Variants in SMURF1 observed in about 807,000 individuals in gnomAD.
SMURF1 encodes the protein SMAD specific E3 ubiquitin protein ligase 1.
A neutral mutation model predicts 98.0 loss-of-function variants in SMURF1; 44 were observed. That is an observed-to-expected ratio of 0.45 (90% CI 0.35 to 0.58). The LOEUF (loss-of-function observed/expected upper bound fraction) is 0.58. Among genes scored for constraint, SMURF1 ranks in the 20% least tolerant of loss-of-function variants. The probability of loss-of-function intolerance (pLI) is 0.00; values close to 1 mark genes in which losing one functional copy is unlikely to be tolerated. For missense variants in SMURF1, 687 were observed against 938.4 expected (o/e 0.73, Z 3.50); for synonymous variants, 396 against 374.9 (o/e 1.06, Z -0.65).
chr7:99,060,418 T>A (rs1796004654), intron 3 of SMURF1, among the ~76,000 whole-genome samples, 181 bp downstream of exon 3: 1 of 145,890 alleles, frequency 6.9e-6, no homozygotes, highest in African/African-American at 2.5e-5. Context: ...AGTAACAAAA[T>A]GCAAGAACTT....
intron 5 of SMURF1, 108 bp downstream of exon 5, chr7:99,057,097 T>C (rs1729431654): frequency 8.4e-7 from 1 of 1,185,928 alleles, no homozygotes; most frequent in Non-Finnish European, 1.3e-6. Context: ...TGGTCTGTCC[T>C]CTGAGGCCCG....
chr7:99,035,582 C>T lies in SMURF1; in HGVS notation c.1944G>A (p.Arg648=). 6.2e-7 allele frequency: 1 copy of T among 1,614,226 alleles called. No individual in the cohort carries two copies. The highest frequency in any genetic ancestry group is 8.5e-7 in the Non-Finnish European group (1 of 1,180,044). ...QAVETFDEER[R]ARLLQFVTGS... is the part of the protein sequence containing the mutation. ...CAGTCACAAACTGCAGGAGCCTGGC[C>T]CTCCTTTCTTCATCGAACGTCTCCA... The change falls in exon 16 of 18, where the codon AGG becomes AGA. Residue 648 remains arginine, a synonymous_variant. Transcript: ENST00000361368.
In SMURF1 at chr7:99,042,216, G is replaced by A. The variant is rs1584451690; in HGVS notation, c.1273C>T (p.Leu425=). Residue 425 remains leucine (L), a synonymous_variant, in exon 12 of 18, where the codon CTG becomes TTG. Transcript: ENST00000361368. The part of the protein sequence containing the change: ...GGVAREWLYL[L]CHEMLNPYYG... ...TAAGGATTCAGCATTTCATGGCACA[G>A]CAAGTAAAGCCACTCCCTGGGAGCA... is the stretch of plus-strand genomic sequence containing the variant. 3.1e-6 allele frequency: 5 copies of A among 1,612,992 alleles called. No individual in the cohort carries two copies. The East Asian group carries it at 1.1e-4, about 36-fold the overall frequency.
chr7:99,047,557 G>A (rs73145626), intron 10 of SMURF1, 127 bp downstream of exon 10: 36,079 of 930,894 alleles, frequency 0.039, 821 homozygotes, highest in South Asian at 0.058. Context: ...TCCCTGAAAC[G>A]CAGACATCAC....
chr7:99,122,192 G>A (rs970641789), intron 1 of SMURF1, among the ~76,000 whole-genome samples: 1 of 151,852 alleles, frequency 6.6e-6, no homozygotes, highest in African/African-American at 2.4e-5. Flanking sequence ...TCTGGGCATG[G>A]TGGCGCATGC....
chr7:99,103,892 C>CTTT (rs1247182195), intron 1 of SMURF1, among the ~76,000 whole-genome samples: 2 of 145,268 alleles, frequency 1.4e-5, no homozygotes, highest in African/African-American at 2.6e-5. Context: ...CGGGCCACAA[C>CTTT]TTTTTTTTTT....
At chr7:99,035,301 C>T in intron 16 of SMURF1, 3 of 608,658 alleles carry the variant, frequency 4.9e-6, no homozygotes, top group Non-Finnish European at 5.7e-6. Flanking sequence ...TGGAGTGGCT[C>T]CACAGTCTTT....
At chr7:99,090,216 G>A (rs1265129390) in intron 1 of SMURF1, among the ~76,000 whole-genome samples, 4 of 152,158 alleles carry the variant, frequency 2.6e-5, no homozygotes, top group Non-Finnish European at 4.4e-5. Flanking sequence ...CGGGTGATCC[G>A]GGGCACTGGG....
chr7:99,041,861 A>C (rs1014050410), intron 12 of SMURF1, among the ~76,000 whole-genome samples: 1 of 152,256 alleles, frequency 6.6e-6, no homozygotes, highest in African/African-American at 2.4e-5. Flanking sequence ...AAATGATCAC[A>C]AAGTGTGAGT....
chr7:99,101,377 GAAC>G (rs1234981394), intron 1 of SMURF1, among the ~76,000 whole-genome samples: 2 of 151,832 alleles, frequency 1.3e-5, no homozygotes, highest in Non-Finnish European at 2.9e-5. Flanking sequence ...GTCTCAAAAA[GAAC>G]AACAACAAAA....
intron 1 of SMURF1, among the ~76,000 whole-genome samples, chr7:99,080,494 T>C (rs529271120): frequency 6.6e-6 from 1 of 152,222 alleles, no homozygotes; most frequent in Admixed American, 6.5e-5. Context: ...AGATGGGGTT[T>C]CTCCATGTTG....
intron 7 of SMURF1, among the ~76,000 whole-genome samples, chr7:99,051,727 T>A (rs1795756541): frequency 6.6e-6 from 1 of 152,208 alleles, no homozygotes; most frequent in African/African-American, 2.4e-5. Context: ...CTGGGAGATT[T>A]GGAGCAATTG....
In SMURF1 at chr7:99,030,430, A is replaced by C. The variant is rs1210957340; in HGVS notation, c.*154T>G. The C allele has an allele frequency of 3.1e-6, 2 of 654,384 alleles. No homozygotes were observed. Among genetic ancestry groups the C allele is most frequent in the African/African-American group, 1.8e-5 (1 of 55,040 alleles). 40.5% of individuals were successfully genotyped at this position (654,384 alleles called of 1,614,324 possible). A position where few individuals can be genotyped will look rare whatever the true frequency, so the allele number is the denominator to read the frequency against. On this transcript the variant is annotated 3_prime_UTR_variant, in exon 18 of 18. Transcript: ENST00000361368. Reference sequence around the variant, plus strand: ...TGGGAGCCACCAACAAAAGTCCCCCATCCCCCTCCCCCAACAGAAAGGAGA... The same window carrying C: ...TGGGAGCCACCAACAAAAGTCCCCCCTCCCCCTCCCCCAACAGAAAGGAGA...
chr7:99,054,302 C>T (rs375687469), intron 6 of SMURF1, among the ~76,000 whole-genome samples: 2 of 151,796 alleles, frequency 1.3e-5, no homozygotes, highest in East Asian at 1.9e-4. Flanking sequence ...GGCACAACCC[C>T]AGTTGTTTGT....
intron 1 of SMURF1, among the ~76,000 whole-genome samples, chr7:99,128,417 G>C (rs912360008): frequency 5.3e-5 from 8 of 152,128 alleles, no homozygotes; most frequent in Non-Finnish European, 1.2e-4. Context: ...AAAAAAACAG[G>C]CTTATAATAA....
At chr7:99,137,704 G>T (rs1050106928) in intron 1 of SMURF1, among the ~76,000 whole-genome samples, 1 of 152,214 alleles carries the variant, frequency 6.6e-6, no homozygotes, top group Non-Finnish European at 1.5e-5. Context: ...CTGCAGTGGA[G>T]GTGAACACAG....
intron 1 of SMURF1, among the ~76,000 whole-genome samples, chr7:99,111,017 A>T (rs953180691): frequency 1.3e-5 from 2 of 152,230 alleles, no homozygotes; most frequent in African/African-American, 4.8e-5. Flanking sequence ...GAACCATGGA[A>T]GGATCAATAA....
chr7:99,075,632 GAA>G (rs112881647), intron 1 of SMURF1, among the ~76,000 whole-genome samples: 2 of 137,550 alleles, frequency 1.5e-5, no homozygotes, highest in African/African-American at 2.6e-5. Context: ...TTGATGTGGG[GAA>G]AAAAAAAAAA....
At chr7:99,136,452 C>T (rs1208074030) in intron 1 of SMURF1, among the ~76,000 whole-genome samples, 1 of 151,658 alleles carries the variant, frequency 6.6e-6, no homozygotes, top group African/African-American at 2.4e-5. Context: ...ATTTTCCATC[C>T]AGCTAAAGTT....
Sources: allele counts gnomAD v4.1 joint callset (sites outside exome capture counted in the v4.1 genomes callset), GRCh38; gene constraint gnomAD v4.1.1; transcripts MANE v1.5; gene names NCBI Gene and HGNC (gene_info 2026-07-23, HGNC 2026-07-21).